The following GALNT17 variants were observed in gnomAD, a reference collection of about 807,000 sequenced individuals.
GALNT17 encodes the protein UDP-GalNAc:polypeptide N-acetylgalactosaminyltransferase-like 3.
In GALNT17, 29 loss-of-function variants were observed where a neutral mutation model predicts 63.7. That is an observed-to-expected ratio of 0.46 (90% CI 0.34 to 0.62). GALNT17 has a LOEUF of 0.62. GALNT17 is among the 20% of genes least tolerant of loss of function. The pLI is 0.01. For missense variants in GALNT17, 603 were observed against 799.6 expected (o/e 0.75, Z 2.97); for synonymous variants, 305 against 318.3 (o/e 0.96, Z 0.45).
At chr7:71,431,450 T>C (rs916942274) in intron 5 of GALNT17, among the ~76,000 whole-genome samples, 1 of 152,222 alleles carries the variant, frequency 6.6e-6, no homozygotes, top group Non-Finnish European at 1.5e-5. Context: ...CCTCAAGTGA[T>C]ACACCCTCCT....
chr7:71,528,976 A>T (rs2116773496), intron 5 of GALNT17, among the ~76,000 whole-genome samples: 1 of 152,186 alleles, frequency 6.6e-6, no homozygotes, highest in East Asian at 1.9e-4. Flanking sequence ...CTCTACTAAA[A>T]ATACAAAAAT....
intron 5 of GALNT17, among the ~76,000 whole-genome samples, chr7:71,492,108 C>T (rs746885907): frequency 5.3e-5 from 8 of 152,036 alleles, no homozygotes; most frequent in Non-Finnish European, 8.8e-5. Context: ...GGTGAAACCC[C>T]GTCTCTACTA....
In GALNT17 at chr7:71,540,176, T is replaced by G. The variant is rs1027772312; in HGVS notation, c.963-31109T>G. On this transcript the variant is annotated intron_variant, in intron 5 of 10. Transcript: ENST00000333538. ...CAGGCTGGAGTGCAGTGGTGGGATCTTGGCTCACTGCAACCTCTGCCTCTC... is the reference window on the plus strand; with the variant it reads ...CAGGCTGGAGTGCAGTGGTGGGATCGTGGCTCACTGCAACCTCTGCCTCTC... 2.3e-5 allele frequency among the ~76,000 whole-genome samples: 3 copies of G among 132,470 alleles called. No individual in the cohort carries two copies. The Admixed American group carries it at 2.7e-4, about 12-fold the overall frequency. 86.9% of individuals were successfully genotyped at this position (132,470 alleles called of 152,430 possible).
At chr7:71,279,142 C>T (rs1200098516) in intron 1 of GALNT17, among the ~76,000 whole-genome samples, 2 of 151,918 alleles carry the variant, frequency 1.3e-5, no homozygotes, top group East Asian at 3.9e-4. Flanking sequence ...CCAGGATGGT[C>T]TCGATCTCCT....
intron 3 of GALNT17, among the ~76,000 whole-genome samples, chr7:71,405,862 G>C (rs993959197): frequency 6.6e-6 from 1 of 152,132 alleles, no homozygotes; most frequent in Non-Finnish European, 1.5e-5. Flanking sequence ...CATGAATTTT[G>C]AGGGAACACA....
intron 6 of GALNT17, among the ~76,000 whole-genome samples, chr7:71,632,829 C>T (rs1419907970): frequency 6.6e-6 from 1 of 151,974 alleles, no homozygotes; most frequent in South Asian, 2.1e-4. Flanking sequence ...CTTGGCCAGG[C>T]ATGGTGGTTC....
intron 6 of GALNT17, among the ~76,000 whole-genome samples, chr7:71,636,769 G>A (rs1269844530): frequency 6.6e-6 from 1 of 152,208 alleles, no homozygotes. Flanking sequence ...TTGGGATATT[G>A]GTCCAGAAAA....
chr7:71,453,986 A>G (rs1787311382), intron 5 of GALNT17, among the ~76,000 whole-genome samples: 1 of 152,170 alleles, frequency 6.6e-6, no homozygotes, highest in Non-Finnish European at 1.5e-5. Flanking sequence ...CTCACTTGCT[A>G]ATCTCCCATA....
chr7:71,191,281 A>G (rs1788947404), intron 1 of GALNT17, among the ~76,000 whole-genome samples: 1 of 152,142 alleles, frequency 6.6e-6, no homozygotes, highest in African/African-American at 2.4e-5. Context: ...TGCCTGCTCT[A>G]GAACTTTATG....
intron 6 of GALNT17, among the ~76,000 whole-genome samples, chr7:71,618,472 A>G (rs1309467020): frequency 2.0e-5 from 3 of 152,144 alleles, no homozygotes; most frequent in Non-Finnish European, 4.4e-5. Flanking sequence ...CCATGCCAGC[A>G]TCTGTTGTTT....
chr7:71,687,496 C>T (rs1166937777), intron 9 of GALNT17, among the ~76,000 whole-genome samples: 2 of 152,144 alleles, frequency 1.3e-5, no homozygotes, highest in South Asian at 2.1e-4. Flanking sequence ...GCTCAGGCAA[C>T]GCAGCCTTTG....
intron 9 of GALNT17, among the ~76,000 whole-genome samples, chr7:71,709,361 A>G (rs1452744138): frequency 6.6e-6 from 1 of 152,188 alleles, no homozygotes; most frequent in Non-Finnish European, 1.5e-5. Context: ...TATGTCTTCT[A>G]GTGAGAGTGT....
intron 4 of GALNT17, among the ~76,000 whole-genome samples, chr7:71,417,340 C>T (rs1021246033): frequency 2.0e-5 from 3 of 152,286 alleles, no homozygotes; most frequent in Middle Eastern, 6.8e-3. Flanking sequence ...AACACTGACC[C>T]CTTCAAGTGC....
chr7:71,171,878 G>A (rs960294839), intron 1 of GALNT17, among the ~76,000 whole-genome samples: 3 of 152,172 alleles, frequency 2.0e-5, no homozygotes, highest in Non-Finnish European at 4.4e-5. Flanking sequence ...AACAACTTGA[G>A]TGAAAGTTTC....
chr7:71,460,565 A>G (rs1454521105), intron 5 of GALNT17, among the ~76,000 whole-genome samples: 1 of 152,198 alleles, frequency 6.6e-6, no homozygotes, highest in Non-Finnish European at 1.5e-5. Flanking sequence ...TCAGACCCCA[A>G]GAGAGGGTTC....
At chr7:71,623,018 G>A (rs1296930012) in intron 6 of GALNT17, among the ~76,000 whole-genome samples, 4 of 152,106 alleles carry the variant, frequency 2.6e-5, no homozygotes, top group African/African-American at 9.7e-5. Flanking sequence ...GAATGACTGT[G>A]GTATTTGGCC....
rs1788490392 is a variant in GALNT17, at chr7:71,519,324, AC to A, written c.963-51960del. The stretch of plus-strand genomic sequence containing the variant: ...TCATCCAATCATTCATTTATTGAAC[AC>A]TTATTTCTATCTAACTGTAATCTCT... On this transcript the variant is annotated intron_variant, in intron 5 of 10. Transcript: ENST00000333538. 5.3e-5 allele frequency among the ~76,000 whole-genome samples: 8 copies of A among 152,334 alleles called. No homozygotes were observed. In the South Asian group the frequency reaches 1.7e-3, roughly 32 times the overall value.
chr7:71,213,161 G>A (rs940206066), intron 1 of GALNT17, among the ~76,000 whole-genome samples: 2 of 152,164 alleles, frequency 1.3e-5, no homozygotes, highest in African/African-American at 4.8e-5. Context: ...ATTGAATCAT[G>A]GGGGCCAGTC....
chr7:71,397,545 A>G (rs1358050667), intron 3 of GALNT17, among the ~76,000 whole-genome samples: 1 of 152,150 alleles, frequency 6.6e-6, no homozygotes, highest in African/African-American at 2.4e-5. Context: ...CATTCAGGCA[A>G]TCCATCCTCA....
Sources: allele counts gnomAD v4.1 joint callset (sites outside exome capture counted in the v4.1 genomes callset), GRCh38; gene constraint gnomAD v4.1.1; transcripts MANE v1.5; gene names NCBI Gene and HGNC (gene_info 2026-07-23, HGNC 2026-07-21).